Variants in PDZRN4 observed in about 807,000 individuals in gnomAD.
The protein encoded by PDZRN4 is PDZ domain containing ring finger 4.
A neutral mutation model predicts 99.0 loss-of-function variants in PDZRN4; 70 were observed. That is an observed-to-expected ratio of 0.71 (90% confidence interval 0.58 to 0.86). The LOEUF (loss-of-function observed/expected upper bound fraction) is 0.86, where lower values mean the gene tolerates loss of function less well. Among genes scored for constraint, PDZRN4 ranks in the 40% least tolerant of loss-of-function variants. PDZRN4 has a pLI of 0.00. For synonymous variants in PDZRN4, 551 were observed against 501.6 expected (o/e 1.10, Z -1.32); for missense variants, 1,474 against 1,331.2 (o/e 1.11, Z -1.67).
intron 3 of PDZRN4, chr12:41,409,344 C>T (rs761859448): frequency 1.5e-4 from 23 of 151,648 alleles, no homozygotes; most frequent in Non-Finnish European, 3.1e-4. Flanking sequence ...GTGCAAAATT[C>T]CCAAAAAAAA....
chr12:41,252,570 T>C (rs1951177633), intron 3 of PDZRN4, among the ~76,000 whole-genome samples: 1 of 152,032 alleles, frequency 6.6e-6, no homozygotes, highest in African/African-American at 2.4e-5. Context: ...TGAAACCCCA[T>C]CTCTACTAAA....
chr12:41,380,343 G>A (rs187461978), intron 3 of PDZRN4, among the ~76,000 whole-genome samples: 11 of 152,062 alleles, frequency 7.2e-5, no homozygotes, highest in African/African-American at 2.4e-4. Flanking sequence ...TACATTGAGA[G>A]TAATAGATAA....
chr12:41,481,049 T>G (rs1317198687), intron 3 of PDZRN4, among the ~76,000 whole-genome samples: 1 of 151,980 alleles, frequency 6.6e-6, no homozygotes, highest in Non-Finnish European at 1.5e-5. Flanking sequence ...AAGCTGCACA[T>G]GAGGAAAGTG....
Position 41,494,318 on chromosome 12 carries a change from T to C in PDZRN4, c.844-12138T>C, listed in dbSNP as rs1015800188. Reference sequence around the variant, plus strand: ...GAAAAATCCTGGGTATTTTTTCACATAGTGTCATCTTCAGCAAGTTGCTTA... The same window carrying C: ...GAAAAATCCTGGGTATTTTTTCACACAGTGTCATCTTCAGCAAGTTGCTTA... On this transcript the variant is annotated intron_variant, in intron 3 of 9. Transcript: ENST00000402685. Among the ~76,000 whole-genome samples, 12 of 152,140 alleles carry C rather than the reference T, an allele frequency of 7.9e-5. No homozygotes were observed. In the East Asian group the frequency reaches 1.3e-3, roughly 17 times the overall value.
At chr12:41,211,520 A>G (rs900895393) in intron 3 of PDZRN4, among the ~76,000 whole-genome samples, 3 of 151,874 alleles carry the variant, frequency 2.0e-5, no homozygotes, top group Admixed American at 6.6e-5. Flanking sequence ...TGAGGTGCTC[A>G]TGTATTATCA....
At chr12:41,409,592 T>A (rs1044228267) in intron 3 of PDZRN4, 2 of 152,232 alleles carry the variant, frequency 1.3e-5, no homozygotes, top group South Asian at 2.1e-4. Flanking sequence ...AATACCAACG[T>A]ATGAAAGTCT....
chr12:41,574,034 G>C lies in PDZRN4; in HGVS notation c.*144G>C, dbSNP rs1324824284. ...ATTTTTTGTAAGCAAAAAATACCTG[G>C]TAATTTTTCATTTGTTTTTCATATA... On this transcript the variant is annotated 3_prime_UTR_variant, in exon 10 of 10. Transcript: ENST00000402685. 1 of 479,660 alleles carries C rather than the reference G, an allele frequency of 2.1e-6. No homozygotes were observed. The highest frequency in any genetic ancestry group is 7.4e-5 in the South Asian group (1 of 13,604). 29.7% of individuals were successfully genotyped at this position (479,660 alleles called of 1,614,324 possible).
At chr12:41,415,463 A>G (rs759347205) in intron 3 of PDZRN4, among the ~76,000 whole-genome samples, 2 of 151,736 alleles carry the variant, frequency 1.3e-5, no homozygotes, top group African/African-American at 2.4e-5. Context: ...GTATAGCAGT[A>G]TATACTACCC....
intron 7 of PDZRN4, among the ~76,000 whole-genome samples, chr12:41,558,808 CAAAG>C (rs776783887): frequency 3.6e-4 from 55 of 152,182 alleles, no homozygotes; most frequent in South Asian, 1.9e-3. Flanking sequence ...ACATAGGAAA[CAAAG>C]AGTCTTAAGG....
At chr12:41,309,100 G>C (rs1411114604) in intron 3 of PDZRN4, among the ~76,000 whole-genome samples, 1 of 152,008 alleles carries the variant, frequency 6.6e-6, no homozygotes, top group East Asian at 1.9e-4. Flanking sequence ...AAAAGTACTA[G>C]AAGAAAATAT....
chr12:41,562,646 A>T (rs977096520), intron 7 of PDZRN4, among the ~76,000 whole-genome samples: 1 of 152,054 alleles, frequency 6.6e-6, no homozygotes, highest in Non-Finnish European at 1.5e-5. Context: ...CAAAGGAAAA[A>T]GTTTTATTAA....
At chr12:41,345,420 T>C (rs1204294047) in intron 3 of PDZRN4, among the ~76,000 whole-genome samples, 2 of 152,158 alleles carry the variant, frequency 1.3e-5, no homozygotes, top group African/African-American at 4.8e-5. Flanking sequence ...AAACCTTCAG[T>C]GAGAATGAAC....
intron 3 of PDZRN4, among the ~76,000 whole-genome samples, chr12:41,211,692 G>A (rs1950889677): frequency 6.6e-6 from 1 of 151,920 alleles, no homozygotes; most frequent in Admixed American, 6.6e-5. Flanking sequence ...TAGGCAGGAG[G>A]CACAGAAGCC....
intron 3 of PDZRN4, among the ~76,000 whole-genome samples, chr12:41,488,170 T>G (rs1937812282): frequency 6.6e-6 from 1 of 152,176 alleles, no homozygotes. Context: ...TCCTCCACAT[T>G]CCATTATCCA....
chr12:41,403,432 C>G (rs915356114), intron 3 of PDZRN4, among the ~76,000 whole-genome samples: 1 of 152,078 alleles, frequency 6.6e-6, no homozygotes, highest in African/African-American at 2.4e-5. Context: ...CTATTTCCAT[C>G]GGGAACGTGA....
Position 41,573,430 on chromosome 12 carries a change from A to C in PDZRN4, c.2651A>C (p.Glu884Ala). 6.2e-7 allele frequency: 1 copy of C among 1,613,880 alleles called. No homozygotes were observed. The highest frequency in any genetic ancestry group is 8.5e-7 in the Non-Finnish European group (1 of 1,180,014). Reference sequence around the variant, plus strand: ...TGCAAGGAGTCTCAGAAGTGTTCAGAGCCCAAGATGGAATGGAAGGTGAAA... The same window carrying C: ...TGCAAGGAGTCTCAGAAGTGTTCAGCGCCCAAGATGGAATGGAAGGTGAAA... ...SMCKESQKCS[E>A]PKMEWKVKIR... The change falls in exon 10 of 10, where the codon GAG becomes GCG. Residue 884 changes from glutamate to alanine, a missense_variant. Glu to Ala is a moderately radical substitution (Grantham distance 107). Coordinates refer to ENST00000402685, the MANE Select transcript of PDZRN4 (RefSeq NM_001164595.2).
intron 3 of PDZRN4, among the ~76,000 whole-genome samples, chr12:41,425,967 C>T (rs1327029972): frequency 3.9e-5 from 6 of 152,188 alleles, no homozygotes; most frequent in Admixed American, 1.3e-4. Context: ...TAGTTGCTTA[C>T]GGTTGAAATC....
chr12:41,254,944 A>T (rs936011206), intron 3 of PDZRN4, among the ~76,000 whole-genome samples: 1 of 152,192 alleles, frequency 6.6e-6, no homozygotes, highest in African/African-American at 2.4e-5. Flanking sequence ...AATAAAAAAA[A>T]TTAGCCAGGC....
chr12:41,334,402 A>AAAG (rs1565554749), intron 3 of PDZRN4, among the ~76,000 whole-genome samples: 1 of 150,900 alleles, frequency 6.6e-6, no homozygotes, highest in Non-Finnish European at 1.5e-5. Context: ...AAAAAAAAAA[A>AAAG]AAAGAAAGAA....
Sources: allele counts gnomAD v4.1 joint callset (sites outside exome capture counted in the v4.1 genomes callset), GRCh38; gene constraint gnomAD v4.1.1; transcripts MANE v1.5; gene names NCBI Gene and HGNC (gene_info 2026-07-23, HGNC 2026-07-21).